FAT4: variants seen among roughly 807,000 people sequenced by gnomAD.
FAT4 encodes the protein FAT atypical cadherin 4.
A neutral mutation model predicts 303.9 loss-of-function variants in FAT4; 84 were observed. That is an observed-to-expected ratio of 0.28 (90% CI 0.23 to 0.33). FAT4 has a LOEUF of 0.33. FAT4 is among the 10% of genes least tolerant of loss of function. The pLI, the probability that FAT4 is intolerant of heterozygous loss-of-function variation, is 1.00. For synonymous variants in FAT4, 2,307 were observed against 2,298.8 expected, an observed-to-expected ratio of 1.00 and a Z score of -0.10; for missense variants, 6,005 against 6,146.8, an observed-to-expected ratio of 0.98 and a Z score of 0.77.
intron 3 of FAT4, among the ~76,000 whole-genome samples, chr4:125,405,547 G>A (rs1047236656): frequency 6.6e-6 from 1 of 150,950 alleles, no homozygotes; most frequent in African/African-American, 2.4e-5. Flanking sequence ...GTCTCGCTCT[G>A]TTACCTAGGC....
At position 125,320,418 on chromosome 4, in the gene FAT4, C is replaced by A. The variant is rs1405481149; in HGVS notation, c.4007C>A (p.Ser1336Tyr). 6.2e-7 allele frequency: 1 copy of A among 1,614,068 alleles called. No homozygotes were observed. Residue 1336 changes from serine to tyrosine, a missense_variant, in exon 2 of 18, where the codon TCT becomes TAT. Transcript: ENST00000394329. Reference protein sequence around the residue: ...ENMRIGELVSSVTATDSDSGD... With the variant: ...ENMRIGELVSYVTATDSDSGD... ...ATGAGAATTGGTGAACTCGTGTCCT[C>A]TGTTACTGCAACTGATTCCGATTCA...
intron 7 of FAT4, among the ~76,000 whole-genome samples, chr4:125,418,343 T>G (rs1262678833): frequency 1.3e-5 from 2 of 152,128 alleles, no homozygotes; most frequent in African/African-American, 2.4e-5. Context: ...GCAGTGGCAG[T>G]TTTTAATCAT....
chr4:125,491,097 A>G lies in FAT4; in HGVS notation c.14281A>G (p.Met4761Val), dbSNP rs1321322849. The G allele has an allele frequency of 1.2e-6, 2 of 1,614,198 alleles. No homozygotes were observed. The highest frequency in any genetic ancestry group is 3.3e-5 in the Admixed American group (2 of 60,026). Residue 4761 changes from methionine to valine, a missense_variant, in exon 18 of 18, where the codon ATG (methionine) becomes GTG (valine). Transcript: ENST00000394329. ...LGRRSKSPQA[M>V]ASHGSRPGSR... ...AAGGAGAAGCAAGAGTCCTCAGGCC[A>G]TGGCATCACATGGTTCTAGACCAGG...
At chr4:125,408,193 A>T (rs941147088) in intron 4 of FAT4, among the ~76,000 whole-genome samples, 1 of 152,192 alleles carries the variant, frequency 6.6e-6, no homozygotes, top group Admixed American at 6.5e-5. Context: ...CATCAGATAT[A>T]TTATTAATTC....
chr4:125,465,097 C>T (rs1378628554), intron 11 of FAT4, among the ~76,000 whole-genome samples: 2 of 151,880 alleles, frequency 1.3e-5, no homozygotes, highest in Non-Finnish European at 2.9e-5. Context: ...TGTATTTTAC[C>T]AATGGTTTTG....
chr4:125,356,943 T>A (rs1367252779), intron 2 of FAT4, among the ~76,000 whole-genome samples: 1 of 151,960 alleles, frequency 6.6e-6, no homozygotes, highest in African/African-American at 2.4e-5. Context: ...AATCTAAAAA[T>A]GTAAAAATTA....
intron 17 of FAT4, 114 bp from the exon 18 acceptor site, chr4:125,489,787 A>C: frequency 2.6e-6 from 2 of 776,492 alleles, no homozygotes; most frequent in Non-Finnish European, 3.9e-6. Context: ...GTATTCATGT[A>C]TTCATATGAG....
At position 125,477,245 on chromosome 4, in the gene FAT4, T is replaced by C; in HGVS notation, c.12390T>C (p.His4130=). The C allele has an allele frequency of 1.0e-5, 16 of 1,556,398 alleles. No individual in the cohort carries two copies. Among genetic ancestry groups the C allele is most frequent in the Non-Finnish European group, 1.4e-5 (16 of 1,148,094 alleles). The change falls in exon 14 of 18, where the codon CAT becomes CAC. Residue 4130 remains histidine (H), a synonymous_variant. Transcript: ENST00000394329. ...AGAGAAGAGGACACGTGGAAAGCCATGATTTTGTTGGGTGTATAATGGAGT... is the reference window on the plus strand; with the variant it reads ...AGAGAAGAGGACACGTGGAAAGCCACGATTTTGTTGGGTGTATAATGGAGT... ...ILQRRGHVES[H]DFVGCIMEFA... is the part of the protein sequence containing the mutation.
Position 125,398,927 on chromosome 4 carries a change from A to T in FAT4, c.5307+12A>T, listed in dbSNP as rs1158316306. On this transcript the variant is annotated intron_variant, in intron 3 of 17. Transcript: ENST00000394329. ...TGGATGCTGATGAGGTAGCTCAAGC[A>T]TGTCTCTGAATTTGTGAAACTTCGT... 3 of 1,612,384 alleles carry T rather than the reference A, an allele frequency of 1.9e-6. No individual in the cohort carries two copies. In the Admixed American group the frequency reaches 5.0e-5, roughly 27 times the overall value.
chr4:125,436,768 A>G (rs1725468341), intron 8 of FAT4, among the ~76,000 whole-genome samples: 1 of 152,120 alleles, frequency 6.6e-6, no homozygotes, highest in Admixed American at 6.5e-5. Context: ...TCACTACCAC[A>G]AGAACAGTAT....
intron 7 of FAT4, among the ~76,000 whole-genome samples, chr4:125,430,689 T>A (rs1725255734): frequency 6.6e-6 from 1 of 151,588 alleles, no homozygotes; most frequent in Non-Finnish European, 1.5e-5. Flanking sequence ...GAACTCCAAG[T>A]GCTTATGAAG....
At chr4:125,363,904 A>G (rs2125986826) in intron 2 of FAT4, among the ~76,000 whole-genome samples, 1 of 152,318 alleles carries the variant, frequency 6.6e-6, no homozygotes, top group African/African-American at 2.4e-5. Flanking sequence ...AGGCTTACTT[A>G]ATATTTCATT....
intron 7 of FAT4, among the ~76,000 whole-genome samples, chr4:125,419,568 A>G (rs1735206659): frequency 6.6e-6 from 1 of 152,182 alleles, no homozygotes; most frequent in Admixed American, 6.5e-5. Context: ...AAATTAGATA[A>G]TCATACCCTA....
At chr4:125,375,308 G>A (rs1352397583) in intron 2 of FAT4, among the ~76,000 whole-genome samples, 1 of 152,216 alleles carries the variant, frequency 6.6e-6, no homozygotes, top group Non-Finnish European at 1.5e-5. Context: ...GTCATAACAC[G>A]TTTGGTAAAG....
chr4:125,416,533 T>C lies in FAT4; in HGVS notation c.6929T>C (p.Leu2310Pro), dbSNP rs773180121. 6.2e-7 allele frequency: 1 copy of C among 1,613,928 alleles called. No individual in the cohort carries two copies. Among genetic ancestry groups the C allele is most frequent in the Non-Finnish European group, 8.5e-7 (1 of 1,179,944 alleles). ...GGTAATGAAGACAATGCTTTTACTC[T>C]CTCAGCCAGTGGAGAACTTGGAGTA... ...FGGNEDNAFT[L>P]SASGELGVTQ... Residue 2310 changes from leucine to proline, a missense_variant, in exon 7 of 18, where the codon CTC (leucine) becomes CCC (proline). Coordinates refer to ENST00000394329, the MANE Select transcript of FAT4 (RefSeq NM_001291303.3).
At chr4:125,436,444 G>A (rs568192457) in intron 8 of FAT4, among the ~76,000 whole-genome samples, 1 of 152,190 alleles carries the variant, frequency 6.6e-6, no homozygotes, top group South Asian at 2.1e-4. Flanking sequence ...GCTTAGGGTT[G>A]GGGTTAGGGC....
At position 125,446,165 on chromosome 4, in the gene FAT4, C is replaced by G; in HGVS notation, c.7200-128C>G. On this transcript the variant is annotated intron_variant, in intron 8 of 17. Transcript: ENST00000394329. ...ATTAGCTAGACTAGTTGTATTCTTT[C>G]CAACATTGTTGTATGATCTTTCTTG... The G allele has an allele frequency of 6.5e-6, 5 of 764,340 alleles. No homozygotes were observed. The South Asian group carries it at 1.0e-4, about 15-fold the overall frequency. The allele number at this position is 764,340 out of a possible 1,614,324, so 47.3% of individuals were successfully genotyped here. A position where few individuals can be genotyped will look rare whatever the true frequency, so the allele number is the denominator to read the frequency against.
Position 125,321,147 on chromosome 4 carries a change from G to A in FAT4, c.4736G>A (p.Arg1579His), listed in dbSNP as rs753125479. 21 of 1,613,990 alleles carry A rather than the reference G, an allele frequency of 1.3e-5. No individual in the cohort carries two copies. Among genetic ancestry groups the A allele is most frequent in the Admixed American group, 5.0e-5 (3 of 59,986 alleles). ...NGDTDTFIVD[R>H]YSGDLRVASA... is the part of the protein sequence containing the mutation. Reference sequence around the variant, plus strand: ...GACACAGACACCTTCATTGTTGATCGTTATAGTGGAGACCTGAGAGTGGCT... The same window carrying A: ...GACACAGACACCTTCATTGTTGATCATTATAGTGGAGACCTGAGAGTGGCT... Residue 1579 changes from arginine (R) to histidine (H), a missense_variant, in exon 2 of 18, where the codon CGT becomes CAT. Arg to His is a conservative substitution (Grantham distance 29, BLOSUM62 0). Coordinates refer to ENST00000394329, the MANE Select transcript of FAT4 (RefSeq NM_001291303.3).
intron 2 of FAT4, among the ~76,000 whole-genome samples, chr4:125,329,156 CT>C (rs1731274447): frequency 6.6e-6 from 1 of 152,070 alleles, no homozygotes; most frequent in Admixed American, 6.6e-5. Flanking sequence ...CTTTCAGTTG[CT>C]CATTTATTTT....
Sources: allele counts gnomAD v4.1 joint callset (sites outside exome capture counted in the v4.1 genomes callset), GRCh38; gene constraint gnomAD v4.1.1; transcripts MANE v1.5; gene names NCBI Gene and HGNC (gene_info 2026-07-23, HGNC 2026-07-21).